NRG3: variants seen among roughly 807,000 people sequenced by gnomAD.
NRG3 encodes the protein neuregulin 3, also known as pro-neuregulin-3, membrane-bound isoform.
Under a neutral mutation model 66.9 loss-of-function variants are expected in NRG3, and 31 were observed. The observed-to-expected ratio is 0.46, with a 90% CI of 0.35 to 0.63. NRG3 has a LOEUF of 0.63. Among genes scored for constraint, NRG3 ranks in the 20% least tolerant of loss-of-function variants. The probability of loss-of-function intolerance (pLI) is 0.00; values close to 1 mark genes in which losing one functional copy is unlikely to be tolerated. For synonymous variants in NRG3, 393 were observed against 359.4 expected (o/e 1.09, Z -1.06); for missense variants, 910 against 878.9 (o/e 1.04, Z -0.45).
chr10:82,165,141 C>G (rs373028619), intron 1 of NRG3, among the ~76,000 whole-genome samples: 1 of 152,080 alleles, frequency 6.6e-6, no homozygotes, highest in Non-Finnish European at 1.5e-5. Context: ...TTCTCTACAA[C>G]TGGACATTTA....
intron 2 of NRG3, among the ~76,000 whole-genome samples, chr10:82,467,142 C>A (rs1219939136): frequency 1.3e-5 from 2 of 152,156 alleles, no homozygotes; most frequent in East Asian, 3.9e-4. Context: ...TGTAAACAGT[C>A]AAGCACTGCA....
At chr10:82,118,135 C>G (rs781116166) in intron 1 of NRG3, among the ~76,000 whole-genome samples, 23 of 151,652 alleles carry the variant, frequency 1.5e-4, no homozygotes, top group African/African-American at 5.6e-4. Flanking sequence ...TTTGTCTACC[C>G]TCTGGTAGCT....
intron 1 of NRG3, among the ~76,000 whole-genome samples, chr10:82,059,931 A>G (rs2064050518): frequency 6.6e-6 from 1 of 152,192 alleles, no homozygotes; most frequent in African/African-American, 2.4e-5. Context: ...TATAGAAATC[A>G]TGGGTACTGG....
At chr10:82,410,689 G>C (rs1402058351) in intron 2 of NRG3, among the ~76,000 whole-genome samples, 1 of 151,740 alleles carries the variant, frequency 6.6e-6, no homozygotes, top group East Asian at 1.9e-4. Flanking sequence ...AATTTAAAAG[G>C]GCAAATGTTT....
At chr10:81,979,094 C>CAGG (rs1322340208) in intron 1 of NRG3, among the ~76,000 whole-genome samples, 1 of 148,220 alleles carries the variant, frequency 6.7e-6, no homozygotes, top group African/African-American at 2.5e-5. Context: ...GAGGCTGAGG[C>CAGG]AGGAGAATCG....
At chr10:81,933,205 G>A (rs963838927) in intron 1 of NRG3, among the ~76,000 whole-genome samples, 3 of 151,832 alleles carry the variant, frequency 2.0e-5, no homozygotes, top group Non-Finnish European at 4.4e-5. Context: ...CTCTAAGAAG[G>A]GTGGACTGAA....
intron 1 of NRG3, among the ~76,000 whole-genome samples, chr10:82,172,799 AC>A (rs1387287000): frequency 3.0e-4 from 46 of 152,050 alleles, no homozygotes; most frequent in African/African-American, 1.1e-3. Flanking sequence ...TAATGTAAAG[AC>A]CCATCCTAAC....
At chr10:82,577,311 C>T (rs754945273) in intron 2 of NRG3, among the ~76,000 whole-genome samples, 7 of 151,612 alleles carry the variant, frequency 4.6e-5, no homozygotes, top group Non-Finnish European at 1.0e-4. Flanking sequence ...TAGCACAGGG[C>T]CTAACAGAAG....
intron 1 of NRG3, among the ~76,000 whole-genome samples, chr10:81,878,822 C>T (rs1841920366): frequency 6.6e-6 from 1 of 151,956 alleles, no homozygotes; most frequent in African/African-American, 2.4e-5. Flanking sequence ...GCATTGGATA[C>T]CTGAAGGCTT....
intron 1 of NRG3, among the ~76,000 whole-genome samples, chr10:82,127,831 G>A (rs868302618): frequency 1.6e-4 from 25 of 151,902 alleles, no homozygotes; most frequent in Admixed American, 1.1e-3. Flanking sequence ...CACCCTGCTA[G>A]GACCTTCCTC....
At chr10:81,936,466 A>G (rs1169734811) in intron 1 of NRG3, among the ~76,000 whole-genome samples, 2 of 152,076 alleles carry the variant, frequency 1.3e-5, no homozygotes, top group African/African-American at 4.8e-5. Context: ...CTGTATTCTG[A>G]TAACTGTGAA....
intron 2 of NRG3, among the ~76,000 whole-genome samples, chr10:82,626,024 A>G (rs1285514677): frequency 1.3e-5 from 2 of 152,166 alleles, no homozygotes; most frequent in South Asian, 2.1e-4. Context: ...TAATCAAGGC[A>G]TCTTGGTAAT....
chr10:82,239,343 A>G lies in NRG3; in HGVS notation c.824-119396A>G, dbSNP rs1589433347. Among the ~76,000 whole-genome samples the G allele has an allele frequency of 6.6e-5, 10 of 152,234 alleles. 4 individuals carry two copies. Among genetic ancestry groups the G allele is most frequent in the Admixed American group, 6.5e-4 (10 of 15,284 alleles). On this transcript the variant is annotated intron_variant, in intron 1 of 8. Coordinates refer to ENST00000372141, the MANE Select transcript of NRG3 (RefSeq NM_001010848.4). Reference sequence around the variant, plus strand: ...GAAAATTTTTGTATTTTTAGTAGAGATGGGGTTCCGCCATGTTGGCCAGGC... The same window carrying G: ...GAAAATTTTTGTATTTTTAGTAGAGGTGGGGTTCCGCCATGTTGGCCAGGC...
At chr10:82,121,054 C>T (rs1432557320) in intron 1 of NRG3, among the ~76,000 whole-genome samples, 1 of 152,078 alleles carries the variant, frequency 6.6e-6, no homozygotes, top group Admixed American at 6.6e-5. Flanking sequence ...TAATATTTGT[C>T]TCCATCATTC....
chr10:82,422,051 G>T (rs940949147), intron 2 of NRG3, among the ~76,000 whole-genome samples: 1 of 151,978 alleles, frequency 6.6e-6, no homozygotes, highest in South Asian at 2.1e-4. Context: ...ATATATGATC[G>T]TTTAGTTAAG....
intron 1 of NRG3, among the ~76,000 whole-genome samples, chr10:82,338,404 C>T (rs115531414): frequency 6.6e-6 from 1 of 152,182 alleles, no homozygotes; most frequent in East Asian, 1.9e-4. Context: ...ATATTAGCCA[C>T]CTAGACACCA....
Position 82,415,525 on chromosome 10 carries a change from C to G in NRG3, c.953+56657C>G, listed in dbSNP as rs2088488454. Among the ~76,000 whole-genome samples the G allele has an allele frequency of 2.6e-5, 4 of 152,268 alleles. No individual in the cohort carries two copies. In the South Asian group the frequency reaches 6.2e-4, roughly 24 times the overall value. ...AATTTAGAAAATTGTCAGTGGGAAA[C>G]TGCCCATCATGCATAAAAATAATTT... On this transcript the variant is annotated intron_variant, in intron 2 of 8. Transcript: ENST00000372141.
intron 4 of NRG3, among the ~76,000 whole-genome samples, chr10:82,901,491 A>G (rs1182111077): frequency 6.6e-6 from 1 of 152,208 alleles, no homozygotes; most frequent in African/African-American, 2.4e-5. Flanking sequence ...TCTTTCCTAC[A>G]CAAATGCCCA....
chr10:82,290,548 C>T (rs1362196834), intron 1 of NRG3, among the ~76,000 whole-genome samples: 2 of 151,948 alleles, frequency 1.3e-5, no homozygotes, highest in East Asian at 3.9e-4. Flanking sequence ...GTATGGATTC[C>T]CTAATGATTG....
Sources: gnomAD v4.1 joint callset for allele counts (sites outside exome capture counted in the v4.1 genomes callset) on GRCh38, gnomAD v4.1.1 for gene constraint, MANE v1.5 for transcripts, NCBI Gene and HGNC (gene_info 2026-07-23, HGNC 2026-07-21) for gene names.